Variants in PTPRN2 observed in about 807,000 individuals in gnomAD.
PTPRN2 encodes receptor-type tyrosine-protein phosphatase N2.
Under a neutral mutation model 118.8 loss-of-function variants are expected in PTPRN2, and 74 were observed. The observed-to-expected ratio is 0.62, with a 90% CI of 0.52 to 0.76. The LOEUF (loss-of-function observed/expected upper bound fraction) is 0.76, where lower values mean the gene tolerates loss of function less well. PTPRN2 is among the 30% of genes least tolerant of loss of function. The pLI, the probability that PTPRN2 is intolerant of heterozygous loss-of-function variation, is 0.00. For missense variants in PTPRN2, 1,481 were observed against 1,394.4 expected (o/e 1.06, Z -0.99); for synonymous variants, 641 against 608.0 (o/e 1.05, Z -0.80).
intron 12 of PTPRN2, among the ~76,000 whole-genome samples, chr7:157,745,882 C>A (rs773352741): frequency 2.0e-5 from 3 of 152,068 alleles, no homozygotes; most frequent in Non-Finnish European, 4.4e-5. Flanking sequence ...GCACTCAGCA[C>A]GCACGCCACA....
chr7:157,740,254 G>A (rs1203961250), intron 12 of PTPRN2: 1 of 152,222 alleles, frequency 6.6e-6, no homozygotes, highest in Admixed American at 6.5e-5. Context: ...TTCCTTGGTG[G>A]ATCAGGTTCC....
chr7:157,880,025 A>C (rs917057237), intron 12 of PTPRN2, among the ~76,000 whole-genome samples: 1 of 152,214 alleles, frequency 6.6e-6, no homozygotes, highest in African/African-American at 2.4e-5. Flanking sequence ...ACATAAACTG[A>C]CAGTCCTTGA....
At chr7:158,188,719 G>A (rs1316306652) in intron 5 of PTPRN2, among the ~76,000 whole-genome samples, 1 of 150,928 alleles carries the variant, frequency 6.6e-6, no homozygotes, top group Admixed American at 6.6e-5. Context: ...CCTGTAGGGG[G>A]AAGGCCGCCA....
chr7:158,272,743 T>C (rs1355948864), intron 3 of PTPRN2, among the ~76,000 whole-genome samples: 1 of 152,076 alleles, frequency 6.6e-6, no homozygotes, highest in African/African-American at 2.4e-5. Flanking sequence ...GCCAGATCCC[T>C]TTCACCAGAC....
intron 1 of PTPRN2, among the ~76,000 whole-genome samples, chr7:158,492,434 T>G (rs1472234511): frequency 5.9e-5 from 9 of 152,238 alleles, no homozygotes; most frequent in Admixed American, 5.9e-4. Flanking sequence ...CATCTCTGCC[T>G]TAATCGTGGC....
chr7:157,897,010 C>T (rs951233077), intron 12 of PTPRN2, among the ~76,000 whole-genome samples: 11 of 152,242 alleles, frequency 7.2e-5, no homozygotes, highest in South Asian at 4.2e-4. Flanking sequence ...CCACCACAGC[C>T]GCTTCTCACG....
chr7:158,030,752 C>G (rs1807627672), intron 11 of PTPRN2: 1 of 152,388 alleles, frequency 6.6e-6, no homozygotes, highest in Non-Finnish European at 1.5e-5. Context: ...ATGCACGGCC[C>G]CGCTAAGACC....
chr7:158,133,923 G>A lies in PTPRN2; in HGVS notation c.1310C>T (p.Ser437Leu), dbSNP rs750308354. Residue 437 changes from serine (S) to leucine (L), a missense_variant, in exon 9 of 23, where the codon TCA (serine) becomes TTA (leucine). By Grantham distance (145) the Ser-to-Leu change is moderately radical. This residue lies in a region of PTPRN2 where 1,115 missense variants were observed against 994.2 expected (regional missense o/e 1.12). Transcript: ENST00000389418. ...KSEHPESSLS[S>L]EEETAGVENV... ...CTCCACTCCGGCAGTCTCCTCTTCT[G>A]AAGACAGGGAAGACTCAGGGTGCTC... is the stretch of plus-strand genomic sequence containing the variant. The A allele has an allele frequency of 1.2e-6, 2 of 1,613,874 alleles. No homozygotes were observed. The highest frequency in any genetic ancestry group is 1.7e-6 in the Non-Finnish European group (2 of 1,180,058).
chr7:157,557,980 C>G (rs1051808950), intron 21 of PTPRN2, among the ~76,000 whole-genome samples: 1 of 150,562 alleles, frequency 6.6e-6, no homozygotes, highest in Non-Finnish European at 1.5e-5. Flanking sequence ...TGGTAAGTTT[C>G]TATCGACTGC....
At position 157,785,490 on chromosome 7, in the gene PTPRN2, G is replaced by A. The variant is rs932769280; in HGVS notation, c.1789-102553C>T. On this transcript the variant is annotated intron_variant, in intron 12 of 22. Transcript: ENST00000389418. This position sits in a 1 kb window ranked among gnomAD's most constrained non-coding sequence, Gnocchi z 7.3. ...CACTCCCAGACTAGAGCCAGCACTC[G>A]CGGGCAGGCCTCCCCAGGACCAGAG... 2.6e-5 allele frequency among the ~76,000 whole-genome samples: 4 copies of A among 152,284 alleles called. No homozygotes were observed. The highest frequency in any genetic ancestry group is 6.5e-5 in the Admixed American group (1 of 15,308).
rs1476488300 is a variant in PTPRN2 at position 157,674,978 on chromosome 7, G to C, written c.2001+7747C>G. Among the ~76,000 whole-genome samples the C allele has an allele frequency of 6.6e-6, 1 of 152,200 alleles. No homozygotes were observed. Among genetic ancestry groups the C allele is most frequent in the Non-Finnish European group, 1.5e-5 (1 of 68,026 alleles). ...CGGGAGAGCAGAGGCTACAGGCAGGGAGTGGGGAGACCCAGCCTTCAAGCA... is the reference window on the plus strand; with the variant it reads ...CGGGAGAGCAGAGGCTACAGGCAGGCAGTGGGGAGACCCAGCCTTCAAGCA... On this transcript the variant is annotated intron_variant, in intron 13 of 22. Transcript: ENST00000389418. This position sits in a 1 kb window ranked among gnomAD's most constrained non-coding sequence, Gnocchi z 4.5.
chr7:157,963,859 A>G (rs902022932), intron 11 of PTPRN2, among the ~76,000 whole-genome samples: 4 of 152,170 alleles, frequency 2.6e-5, no homozygotes, highest in Admixed American at 2.0e-4. Flanking sequence ...TTCTATCATT[A>G]AATCCTTTTG....
chr7:157,571,916 A>C (rs1799779096), intron 19 of PTPRN2, among the ~76,000 whole-genome samples: 1 of 152,156 alleles, frequency 6.6e-6, no homozygotes, highest in Non-Finnish European at 1.5e-5. Flanking sequence ...TCCAGACATC[A>C]TATTGAAAAC....
intron 3 of PTPRN2, among the ~76,000 whole-genome samples, chr7:158,258,475 G>A (rs1194700903): frequency 6.6e-6 from 1 of 152,224 alleles, no homozygotes. Context: ...CGCACTCCAT[G>A]TGCATGTGCT....
At chr7:157,876,896 G>A (rs1393850024) in intron 12 of PTPRN2, among the ~76,000 whole-genome samples, 6 of 152,334 alleles carry the variant, frequency 3.9e-5, no homozygotes, top group South Asian at 2.1e-4. Context: ...GCAGCTCGCC[G>A]GCCCTCCAGG....
chr7:158,403,787 C>T (rs1813132745), intron 2 of PTPRN2, among the ~76,000 whole-genome samples: 1 of 152,188 alleles, frequency 6.6e-6, no homozygotes, highest in Admixed American at 6.5e-5. Flanking sequence ...TTGATTCCCC[C>T]AGAGTTCTGA....
rs1191402513 is a variant in PTPRN2, at chr7:157,794,177, T to C, written c.1788+104496A>G. Among the ~76,000 whole-genome samples, 2 of 139,982 alleles carry C rather than the reference T, an allele frequency of 1.4e-5. No individual in the cohort carries two copies. The highest frequency in any genetic ancestry group is 3.0e-5 in the Non-Finnish European group (2 of 65,638). 91.8% of individuals were successfully genotyped at this position (139,982 alleles called of 152,430 possible). A position where few individuals can be genotyped will look rare whatever the true frequency, so the allele number is the denominator to read the frequency against. On this transcript the variant is annotated intron_variant, in intron 12 of 22. Coordinates refer to ENST00000389418, the MANE Select transcript of PTPRN2 (RefSeq NM_002847.5). This position sits in a 1 kb window ranked among gnomAD's most constrained non-coding sequence, Gnocchi z 5.2. ...GACCCGGGCTCGCACCTCTCCTCGT[T>C]CTCTGCCCTGACCCGGGATCACACC...
chr7:158,184,362 G>T (rs1180002563), intron 5 of PTPRN2, among the ~76,000 whole-genome samples: 1 of 152,016 alleles, frequency 6.6e-6, no homozygotes, highest in African/African-American at 2.4e-5. Flanking sequence ...CATAATTTTT[G>T]ATGCTACTAT....
At chr7:158,153,134 C>T (rs1008083602) in intron 6 of PTPRN2, among the ~76,000 whole-genome samples, 1 of 152,168 alleles carries the variant, frequency 6.6e-6, no homozygotes, top group East Asian at 1.9e-4. Context: ...CGGAACGATG[C>T]CGAGTGTGGC....
Sources: allele counts gnomAD v4.1 joint callset (sites outside exome capture counted in the v4.1 genomes callset), GRCh38; gene constraint gnomAD v4.1.1; regional missense constraint gnomAD v4.1.1; non-coding constraint Gnocchi (gnomAD v3.1); transcripts MANE v1.5; gene names NCBI Gene and HGNC (gene_info 2026-07-23, HGNC 2026-07-21).